Variants in SPOCK1 observed in about 807,000 individuals in gnomAD.
SPOCK1 encodes SPARC (osteonectin), cwcv and kazal like domains proteoglycan 1, also known as testican-1.
In SPOCK1, 23 loss-of-function variants were observed where a neutral mutation model predicts 55.3. The ratio of observed to expected loss-of-function variants is 0.42; its 90% CI spans 0.30 to 0.59. The LOEUF (loss-of-function observed/expected upper bound fraction) is 0.59, where lower values mean the gene tolerates loss of function less well. Ranked by LOEUF, SPOCK1 falls within the 20% of genes least tolerant of loss-of-function variation. The pLI is 0.22. For missense variants in SPOCK1, 499 were observed against 552.5 expected (o/e 0.90, Z 0.97); for synonymous variants, 226 against 221.0 (o/e 1.02, Z -0.20).
At chr5:136,990,308 A>T (rs932204183) in intron 7 of SPOCK1, among the ~76,000 whole-genome samples, 1 of 152,056 alleles carries the variant, frequency 6.6e-6, no homozygotes, top group Admixed American at 6.6e-5. Flanking sequence ...GCTCTCTTAT[A>T]ACCCTATGCT....
chr5:137,154,865 C>T (rs544794843), intron 3 of SPOCK1, among the ~76,000 whole-genome samples: 3 of 152,282 alleles, frequency 2.0e-5, no homozygotes, highest in South Asian at 2.1e-4. Flanking sequence ...ATCACCAACA[C>T]GTGTGATAGA....
rs749964196 is a variant in SPOCK1, at chr5:137,498,160, A to G, written c.186+213T>C. 7.0e-4 allele frequency among the ~76,000 whole-genome samples: 106 copies of G among 152,026 alleles called. 2 individuals are homozygous for G. The highest frequency in any genetic ancestry group is 1.2e-3 in the Admixed American group (19 of 15,280). ...TGGGCCACAGGTAACAGGCAAGCGC[A>G]TGGAGCCTTCGAAGTTCTCTTTAAA... On this transcript the variant is annotated intron_variant, in intron 2 of 10. Coordinates refer to ENST00000394945, the MANE Select transcript of SPOCK1 (RefSeq NM_004598.4).
chr5:137,190,014 T>C (rs764217053), intron 3 of SPOCK1, among the ~76,000 whole-genome samples: 4 of 151,516 alleles, frequency 2.6e-5, no homozygotes, highest in African/African-American at 4.8e-5. Context: ...TGAATTACTA[T>C]AATTTCTTAA....
chr5:137,408,064 AT>A (rs1201338544), intron 2 of SPOCK1, among the ~76,000 whole-genome samples: 3 of 152,098 alleles, frequency 2.0e-5, no homozygotes, highest in South Asian at 2.1e-4. Context: ...TCCCTGGAAG[AT>A]TTTTTTCACT....
chr5:137,170,103 A>G (rs1323220042), intron 3 of SPOCK1, among the ~76,000 whole-genome samples: 1 of 152,234 alleles, frequency 6.6e-6, no homozygotes. Flanking sequence ...AGTCCCTGAT[A>G]TAATAAAATG....
intron 2 of SPOCK1, among the ~76,000 whole-genome samples, chr5:137,491,945 A>G (rs1043678598): frequency 2.0e-5 from 3 of 152,316 alleles, no homozygotes; most frequent in Admixed American, 2.0e-4. Context: ...TAATAAAAAG[A>G]ATAGCCTCCA....
intron 3 of SPOCK1, among the ~76,000 whole-genome samples, chr5:137,144,979 C>T (rs1384221864): frequency 6.6e-6 from 1 of 152,154 alleles, no homozygotes; most frequent in Non-Finnish European, 1.5e-5. Flanking sequence ...GTCTTCTCTA[C>T]CTCTTCTATC....
intron 9 of SPOCK1, among the ~76,000 whole-genome samples, chr5:136,979,762 A>G (rs551823196): frequency 1.3e-5 from 2 of 152,338 alleles, no homozygotes; most frequent in South Asian, 2.1e-4. Context: ...ATGTATGTGT[A>G]TATATACATA....
intron 3 of SPOCK1, among the ~76,000 whole-genome samples, chr5:137,183,743 C>G (rs1755014769): frequency 6.6e-6 from 1 of 152,188 alleles, no homozygotes; most frequent in African/African-American, 2.4e-5. Context: ...AGTTTCCAGC[C>G]CTCGCTGGCT....
At chr5:137,015,835 T>G (rs1751439291) in intron 6 of SPOCK1, among the ~76,000 whole-genome samples, 1 of 152,198 alleles carries the variant, frequency 6.6e-6, no homozygotes, top group Non-Finnish European at 1.5e-5. Flanking sequence ...AGAATGGGAC[T>G]GCTTTTAACA....
At chr5:137,282,051 AG>A (rs1561492463) in intron 2 of SPOCK1, among the ~76,000 whole-genome samples, 1 of 152,240 alleles carries the variant, frequency 6.6e-6, no homozygotes, top group Non-Finnish European at 1.5e-5. Context: ...TCTGAAAATG[AG>A]GGCAATGGTG....
intron 5 of SPOCK1, among the ~76,000 whole-genome samples, chr5:137,093,100 T>C (rs756951838): frequency 4.6e-5 from 7 of 152,210 alleles, no homozygotes; most frequent in Admixed American, 1.3e-4. Flanking sequence ...GATGATCCAG[T>C]CACCTCTTAA....
At chr5:137,386,525 A>G (rs184942867) in intron 2 of SPOCK1, among the ~76,000 whole-genome samples, 2 of 152,348 alleles carry the variant, frequency 1.3e-5, no homozygotes, top group Admixed American at 6.5e-5. Flanking sequence ...ACCCACATAG[A>G]TGTAGTCAAC....
intron 2 of SPOCK1, among the ~76,000 whole-genome samples, chr5:137,490,032 C>G (rs1485805040): frequency 1.3e-5 from 2 of 152,242 alleles, no homozygotes; most frequent in African/African-American, 2.4e-5. Flanking sequence ...GTCTACCATA[C>G]TAGACCATAA....
intron 2 of SPOCK1, among the ~76,000 whole-genome samples, chr5:137,417,969 A>C (rs951016162): frequency 2.6e-5 from 4 of 151,840 alleles, no homozygotes; most frequent in African/African-American, 9.7e-5. Flanking sequence ...GCTACCCTAC[A>C]ACAGGCCCTG....
At chr5:137,401,567 A>G (rs1252144397) in intron 2 of SPOCK1, among the ~76,000 whole-genome samples, 1 of 146,330 alleles carries the variant, frequency 6.8e-6, no homozygotes, top group African/African-American at 2.8e-5. Flanking sequence ...ACAAAAAAAA[A>G]AAAAAAAAAA....
Position 137,098,391 on chromosome 5 carries a change from A to C in SPOCK1, c.474+14044T>G, listed in dbSNP as rs551427340. On this transcript the variant is annotated intron_variant, in intron 5 of 10. Coordinates refer to ENST00000394945, the MANE Select transcript of SPOCK1 (RefSeq NM_004598.4). ...CTACATTTACATATGTGTCTTCCTCAGAACCAGGCAGCAACCTGAGCTCAG... is the reference window on the plus strand; with the variant it reads ...CTACATTTACATATGTGTCTTCCTCCGAACCAGGCAGCAACCTGAGCTCAG... 4.3e-3 allele frequency among the ~76,000 whole-genome samples: 660 copies of C among 152,304 alleles called. 8 individuals carry two copies. The highest frequency in any genetic ancestry group is 0.015 in the African/African-American group (624 of 41,564).
At chr5:137,249,581 G>A (rs1756467236) in intron 3 of SPOCK1, among the ~76,000 whole-genome samples, 1 of 152,082 alleles carries the variant, frequency 6.6e-6, no homozygotes, top group Admixed American at 6.5e-5. Flanking sequence ...GTTATCTATG[G>A]GAAGAATTAT....
chr5:137,285,305 T>G (rs1198595452), intron 2 of SPOCK1, among the ~76,000 whole-genome samples: 1 of 152,212 alleles, frequency 6.6e-6, no homozygotes, highest in South Asian at 2.1e-4. Flanking sequence ...GAACACATGC[T>G]CAACCACAGC....
Sources: gnomAD v4.1 joint callset for allele counts (sites outside exome capture counted in the v4.1 genomes callset) on GRCh38, gnomAD v4.1.1 for gene constraint, MANE v1.5 for transcripts, NCBI Gene and HGNC (gene_info 2026-07-23, HGNC 2026-07-21) for gene names.